ZEB2: variants seen among roughly 807,000 people sequenced by gnomAD.
ZEB2 encodes the protein zinc finger E-box-binding homeobox 2.
A neutral mutation model predicts 99.9 loss-of-function variants in ZEB2; 6 were observed. The observed-to-expected ratio is 0.06, with a 90% CI of 0.03 to 0.12. The LOEUF is 0.12. Ranked by LOEUF, ZEB2 falls within the 10% of genes least tolerant of loss-of-function variation. ZEB2 has a pLI of 1.00. For missense variants in ZEB2, 969 were observed against 1,502.8 expected (o/e 0.64, Z 5.87); for synonymous variants, 517 against 542.5 (o/e 0.95, Z 0.65).
At chr2:144,513,403 T>A (rs1192998019) in intron 2 of ZEB2, 1 of 1,375,410 alleles carries the variant, frequency 7.3e-7, no homozygotes, top group Non-Finnish European at 9.6e-7. Context: ...TCCTTCACAC[T>A]GTCCCCAACC....
At chr2:144,457,248 C>A (rs1475982295) in intron 2 of ZEB2, among the ~76,000 whole-genome samples, 1 of 152,026 alleles carries the variant, frequency 6.6e-6, no homozygotes, top group Non-Finnish European at 1.5e-5. Context: ...TCATAACAAA[C>A]CTTTGAAGGG....
rs373807202 is a variant in ZEB2 at position 144,401,547 on chromosome 2, A to G, written c.808-240T>C. On this transcript the variant is annotated intron_variant, in intron 6 of 9. Transcript: ENST00000627532. ...ACACTTGCTTTAGAATTATTTCTGT[A>G]GTGTCTTTTCCAAAATGTTTCTTTG... Among the ~76,000 whole-genome samples the G allele has an allele frequency of 3.9e-5, 6 of 152,364 alleles. No homozygotes were observed. The East Asian group carries it at 1.2e-3, about 29-fold the overall frequency.
chr2:144,481,674 CTT>C (rs1704514822), intron 2 of ZEB2, among the ~76,000 whole-genome samples: 1 of 152,062 alleles, frequency 6.6e-6, no homozygotes, highest in African/African-American at 2.4e-5. Flanking sequence ...GTAAATCAAA[CTT>C]TTTGAAAACT....
chr2:144,470,285 T>G (rs1461729370), intron 2 of ZEB2: 3 of 152,158 alleles, frequency 2.0e-5, no homozygotes, highest in Admixed American at 6.6e-5. Flanking sequence ...GGGCAAATAA[T>G]GTTAGAGACA....
At chr2:144,442,106 C>G (rs943752822) in intron 2 of ZEB2, among the ~76,000 whole-genome samples, 6 of 152,074 alleles carry the variant, frequency 3.9e-5, no homozygotes, top group African/African-American at 1.2e-4. Context: ...TGATAAACAA[C>G]GACATAAATT....
chr2:144,430,492 A>G (rs1261010671), intron 2 of ZEB2: 1 of 200,374 alleles, frequency 5.0e-6, no homozygotes, highest in Non-Finnish European at 1.2e-5. Context: ...AGACACACAC[A>G]CACACGTCCA....
intron 2 of ZEB2, among the ~76,000 whole-genome samples, chr2:144,431,708 G>C (rs982867588): frequency 1.3e-5 from 2 of 150,762 alleles, no homozygotes; most frequent in African/African-American, 4.9e-5. Flanking sequence ...CTAGCTGTGT[G>C]GTCCAGATAT....
At chr2:144,406,559 T>C (rs1703389430) in intron 4 of ZEB2, among the ~76,000 whole-genome samples, 3 of 151,900 alleles carry the variant, frequency 2.0e-5, no homozygotes, top group African/African-American at 7.3e-5. Flanking sequence ...GAAACAAGCA[T>C]GGGACATCTC....
intron 2 of ZEB2, among the ~76,000 whole-genome samples, chr2:144,454,241 T>C (rs901488758): frequency 2.0e-5 from 3 of 152,200 alleles, no homozygotes; most frequent in Admixed American, 1.3e-4. Flanking sequence ...TGTAATAGGA[T>C]TAGAAACTAT....
rs1289485468 is a variant in ZEB2, at chr2:144,399,063, C to T, written c.2124G>A (p.Leu708=). Residue 708 remains leucine (L), a synonymous_variant, in exon 8 of 10, where the codon CTG becomes CTA. Transcript: ENST00000627532. The surrounding 1 kb of genome is among the most constrained non-coding windows in gnomAD (Gnocchi z 5.6). The part of the protein sequence containing the change: ...YQYSNSRSPS[L]ERSSKPLAPN... ...GAGCTAACGGCTTGGAGCTTCTTTC[C>T]AGGGATGGGGACCTGGAATTTGAGT... 36 of 1,613,946 alleles carry T rather than the reference C, an allele frequency of 2.2e-5. No individual in the cohort carries two copies. The highest frequency in any genetic ancestry group is 3.0e-5 in the Non-Finnish European group (35 of 1,179,996).
intron 2 of ZEB2, among the ~76,000 whole-genome samples, chr2:144,510,045 A>AAAAAAAGTATGGAGAAGGTGTG (rs1450942925): frequency 1.3e-5 from 2 of 149,746 alleles, no homozygotes; most frequent in East Asian, 3.9e-4. Context: ...AAAAATCTGA[A>AAAAAAAGTATGGAGAAGGTGTG]AAAAAAGTAT....
intron 2 of ZEB2, chr2:144,494,280 G>A (rs1257431997): frequency 6.6e-6 from 1 of 151,908 alleles, no homozygotes; most frequent in Non-Finnish European, 1.5e-5. Context: ...CCTATCATCA[G>A]TGAAGAGGTA....
At chr2:144,453,759 T>C (rs562201361) in intron 2 of ZEB2, among the ~76,000 whole-genome samples, 78 of 152,262 alleles carry the variant, frequency 5.1e-4, no homozygotes, top group African/African-American at 1.8e-3. Flanking sequence ...GAACTCTAAG[T>C]TGACATCACT....
chr2:144,477,006 A>G (rs189237464), intron 2 of ZEB2, among the ~76,000 whole-genome samples: 1 of 152,320 alleles, frequency 6.6e-6, no homozygotes, highest in Non-Finnish European at 1.5e-5. Flanking sequence ...TATTATCTCA[A>G]ATAAATATTG....
intron 4 of ZEB2, chr2:144,424,332 A>G: frequency 1.9e-6 from 1 of 518,382 alleles, no homozygotes; most frequent in South Asian, 1.4e-5. Flanking sequence ...AGGAACTGAG[A>G]TGATTAATTA....
chr2:144,388,665 A>T lies in ZEB2; in HGVS notation c.*786T>A, dbSNP rs1560601508. On this transcript the variant is annotated 3_prime_UTR_variant, in exon 10 of 10. Coordinates refer to ENST00000627532, the MANE Select transcript of ZEB2 (RefSeq NM_014795.4). This position sits in a 1 kb window ranked among gnomAD's most constrained non-coding sequence, Gnocchi z 5.4. ...CATGGGTGCTTCAAAGAACAGGGTG[A>T]GCTTAACACTGAAGCTGGTGCAAAG... The T allele has an allele frequency of 5.2e-6, 1 of 193,822 alleles. No homozygotes were observed. Among genetic ancestry groups the T allele is most frequent in the Non-Finnish European group, 1.1e-5 (1 of 91,904 alleles). 12.0% of individuals were successfully genotyped at this position (193,822 alleles called of 1,614,324 possible). A position where few individuals can be genotyped will look rare whatever the true frequency, so the allele number is the denominator to read the frequency against.
chr2:144,430,030 C>T lies in ZEB2; in HGVS notation c.74-4G>A. 6.2e-7 allele frequency: 1 copy of T among 1,612,336 alleles called. No homozygotes were observed. The highest frequency in any genetic ancestry group is 8.5e-7 in the Non-Finnish European group (1 of 1,179,782). ...ACTACATTGTCATAGTTCACCACTGCAGAAGAAGCACAAAACACACTCTCT... is the reference window on the plus strand; with the variant it reads ...ACTACATTGTCATAGTTCACCACTGTAGAAGAAGCACAAAACACACTCTCT... On this transcript the variant is annotated splice_polypyrimidine_tract_variant and splice_region_variant and intron_variant, in intron 2 of 9. Transcript: ENST00000627532.
At chr2:144,449,596 A>C (rs1704030068) in intron 2 of ZEB2, 1 of 152,204 alleles carries the variant, frequency 6.6e-6, no homozygotes, top group Admixed American at 6.5e-5. Flanking sequence ...TGCAAGGTGA[A>C]GACTGGTCTT....
At position 144,401,323 on chromosome 2, in the gene ZEB2, G is replaced by C. The variant is rs1703307445; in HGVS notation, c.808-16C>G. 9 of 1,612,662 alleles carry C rather than the reference G, an allele frequency of 5.6e-6. No homozygotes were observed. Among genetic ancestry groups the C allele is most frequent in the Non-Finnish European group, 7.6e-6 (9 of 1,178,668 alleles). On this transcript the variant is annotated splice_polypyrimidine_tract_variant and intron_variant, in intron 6 of 9. Coordinates refer to ENST00000627532, the MANE Select transcript of ZEB2 (RefSeq NM_014795.4). ...GCATTTGGTGCTATAAAAGGAGAAA[G>C]ACTGACATCAGTTTTGTGCAGGAGG...
Sources: gnomAD v4.1 joint callset for allele counts (sites outside exome capture counted in the v4.1 genomes callset) on GRCh38, gnomAD v4.1.1 for gene constraint, Gnocchi (gnomAD v3.1) non-coding constraint, MANE v1.5 for transcripts, NCBI Gene and HGNC (gene_info 2026-07-23, HGNC 2026-07-21) for gene names.